NXPH1: variants seen among roughly 807,000 people sequenced by gnomAD.
The protein encoded by NXPH1 is neurexophilin-1.
A neutral mutation model predicts 23.7 loss-of-function variants in NXPH1; 5 were observed. The ratio of observed to expected loss-of-function variants is 0.21; its 90% CI spans 0.11 to 0.44. The LOEUF (loss-of-function observed/expected upper bound fraction) is 0.44, where lower values mean the gene tolerates loss of function less well. NXPH1 is among the 20% of genes least tolerant of loss of function. NXPH1 has a pLI of 0.99. For synonymous variants in NXPH1, 144 were observed against 122.2 expected (o/e 1.18, Z -1.18); for missense variants, 324 against 321.6 (o/e 1.01, Z -0.06).
At chr7:8,687,902 T>A (rs1821171395) in intron 2 of NXPH1, among the ~76,000 whole-genome samples, 1 of 152,148 alleles carries the variant, frequency 6.6e-6, no homozygotes, top group Non-Finnish European at 1.5e-5. Flanking sequence ...TATTTGAAAA[T>A]CAGGACTATC....
intron 2 of NXPH1, among the ~76,000 whole-genome samples, chr7:8,662,581 A>C (rs1257462622): frequency 6.6e-6 from 1 of 152,096 alleles, no homozygotes; most frequent in Non-Finnish European, 1.5e-5. Context: ...TTGTGAATGA[A>C]GGACTTTCAA....
At chr7:8,638,625 G>T (rs996766902) in intron 2 of NXPH1, among the ~76,000 whole-genome samples, 1 of 152,098 alleles carries the variant, frequency 6.6e-6, no homozygotes, top group African/African-American at 2.4e-5. Flanking sequence ...CACTTAGAGG[G>T]GCTTTTAAGA....
intron 2 of NXPH1, among the ~76,000 whole-genome samples, chr7:8,668,269 T>G (rs201259257): frequency 2.6e-5 from 3 of 116,982 alleles, no homozygotes; most frequent in East Asian, 5.5e-4. Flanking sequence ...TTTTTTTTTT[T>G]ATTTTGTTGT....
intron 2 of NXPH1, among the ~76,000 whole-genome samples, chr7:8,578,140 A>G (rs567321226): frequency 3.3e-5 from 5 of 152,276 alleles, no homozygotes; most frequent in Admixed American, 2.6e-4. Context: ...AGACTCCAAC[A>G]CTGGTTCCTA....
intron 2 of NXPH1, among the ~76,000 whole-genome samples, chr7:8,532,469 G>T (rs183080288): frequency 0.072 from 8,347 of 115,436 alleles, 245 homozygotes; most frequent in Middle Eastern, 0.16. Flanking sequence ...TATTTTTTTT[G>T]GGGGGGGGGG....
At chr7:8,502,301 T>C (rs996208908) in intron 2 of NXPH1, among the ~76,000 whole-genome samples, 1 of 152,060 alleles carries the variant, frequency 6.6e-6, no homozygotes, top group Admixed American at 6.6e-5. Context: ...TATTAGTTTT[T>C]CTTTTCCCAG....
chr7:8,489,313 C>T (rs1817211091), intron 2 of NXPH1, among the ~76,000 whole-genome samples: 1 of 152,064 alleles, frequency 6.6e-6, no homozygotes, highest in Non-Finnish European at 1.5e-5. Flanking sequence ...TCTGAATTTT[C>T]ATAGCACCAT....
intron 2 of NXPH1, among the ~76,000 whole-genome samples, chr7:8,665,105 GT>G (rs1212287906): frequency 6.6e-6 from 1 of 151,860 alleles, no homozygotes; most frequent in African/African-American, 2.4e-5. Context: ...CAAGACCAAT[GT>G]TTTGGAGATT....
At chr7:8,539,625 T>C (rs1161506543) in intron 2 of NXPH1, among the ~76,000 whole-genome samples, 3 of 151,862 alleles carry the variant, frequency 2.0e-5, no homozygotes, top group Non-Finnish European at 2.9e-5. Context: ...TATTGGATGA[T>C]AGAATTTTTC....
At chr7:8,450,314 C>G (rs1489728442) in intron 2 of NXPH1, among the ~76,000 whole-genome samples, 3 of 149,808 alleles carry the variant, frequency 2.0e-5, no homozygotes, top group African/African-American at 7.4e-5. Context: ...AAAGGGGATG[C>G]AAATCTACAC....
intron 2 of NXPH1, among the ~76,000 whole-genome samples, chr7:8,469,517 G>A (rs559399332): frequency 2.0e-5 from 3 of 152,034 alleles, no homozygotes; most frequent in Admixed American, 2.0e-4. Context: ...CTGAACAATC[G>A]TTCCCTCTCC....
chr7:8,470,249 T>A (rs1816851282), intron 2 of NXPH1, among the ~76,000 whole-genome samples: 2 of 152,126 alleles, frequency 1.3e-5, no homozygotes, highest in African/African-American at 4.8e-5. Flanking sequence ...AGATCTACAT[T>A]GACTATTAAG....
Position 8,751,763 on chromosome 7 carries a change from G to C in NXPH1, c.810G>C (p.Ser270=), listed in dbSNP as rs374966340. Residue 270 remains serine (S), a synonymous_variant, in exon 3 of 3, where the codon TCG becomes TCC. Coordinates refer to ENST00000405863, the MANE Select transcript of NXPH1 (RefSeq NM_152745.3). This position sits in a 1 kb window ranked among gnomAD's most constrained non-coding sequence, Gnocchi z 4.5. ...NYHSDTPYFP[S]G ...ACAGTGACACACCTTACTTTCCCTCGGGATGAAGGTGAACATGGGGGTGAG... is the reference window on the plus strand; with the variant it reads ...ACAGTGACACACCTTACTTTCCCTCCGGATGAAGGTGAACATGGGGGTGAG... The C allele has an allele frequency of 6.2e-7, 1 of 1,606,910 alleles. No individual in the cohort carries two copies. The highest frequency in any genetic ancestry group is 8.5e-7 in the Non-Finnish European group (1 of 1,176,434).
intron 2 of NXPH1, among the ~76,000 whole-genome samples, chr7:8,722,766 C>T (rs375007007): frequency 2.0e-5 from 3 of 152,154 alleles, no homozygotes; most frequent in Admixed American, 6.5e-5. Context: ...TGGATGGTAA[C>T]GAACCTTCAT....
intron 2 of NXPH1, among the ~76,000 whole-genome samples, chr7:8,710,583 C>G (rs1326934020): frequency 6.7e-6 from 1 of 148,314 alleles, no homozygotes. Context: ...CTGCCAAACT[C>G]ATAAATCTTT....
At chr7:8,555,801 C>G (rs571341092) in intron 2 of NXPH1, among the ~76,000 whole-genome samples, 18 of 151,764 alleles carry the variant, frequency 1.2e-4, no homozygotes, top group Admixed American at 6.6e-5. Flanking sequence ...CTGCCTGATT[C>G]CTGTGTGTCT....
intron 2 of NXPH1, among the ~76,000 whole-genome samples, chr7:8,506,367 T>A (rs796463831): frequency 3.3e-5 from 5 of 152,226 alleles, no homozygotes; most frequent in African/African-American, 1.2e-4. Flanking sequence ...CATGTCTTAG[T>A]CACCTCATTT....
intron 2 of NXPH1, among the ~76,000 whole-genome samples, chr7:8,546,590 G>C (rs547800866): frequency 9.2e-5 from 14 of 151,404 alleles, no homozygotes; most frequent in Non-Finnish European, 1.6e-4. Context: ...ATAAATATTT[G>C]TTCTGATACT....
intron 2 of NXPH1, among the ~76,000 whole-genome samples, chr7:8,668,145 C>G (rs1177411498): frequency 2.6e-5 from 4 of 151,296 alleles, no homozygotes; most frequent in Non-Finnish European, 5.9e-5. Flanking sequence ...GTGTTCCAGA[C>G]TTTCTTAAAA....
Sources: allele counts gnomAD v4.1 joint callset (sites outside exome capture counted in the v4.1 genomes callset), GRCh38; gene constraint gnomAD v4.1.1; non-coding constraint Gnocchi (gnomAD v3.1); transcripts MANE v1.5; gene names NCBI Gene and HGNC (gene_info 2026-07-23, HGNC 2026-07-21).